DLGAP1: variants seen among roughly 807,000 people sequenced by gnomAD.
The protein encoded by DLGAP1 is DLG associated protein 1.
A neutral mutation model predicts 90.8 loss-of-function variants in DLGAP1; 11 were observed. The ratio of observed to expected loss-of-function variants is 0.12; its 90% CI spans 0.08 to 0.20. DLGAP1 has a LOEUF of 0.20. Among genes scored for constraint, DLGAP1 ranks in the 10% least tolerant of loss-of-function variants. The pLI is 1.00. For missense variants in DLGAP1, 1,050 were observed against 1,333.8 expected (o/e 0.79, Z 3.31); for synonymous variants, 558 against 540.7 (o/e 1.03, Z -0.44).
At chr18:3,596,693 G>C in intron 7 of DLGAP1, 4 of 406,296 alleles carry the variant, frequency 9.8e-6, no homozygotes, top group South Asian at 7.0e-5. Flanking sequence ...TGTGATAAAT[G>C]CTTGTTACAT....
chr18:4,257,576 T>C (rs1419625534), intron 1 of DLGAP1, among the ~76,000 whole-genome samples: 1 of 152,166 alleles, frequency 6.6e-6, no homozygotes. Flanking sequence ...TAAACTCTGG[T>C]TGAAGACCTA....
At chr18:3,692,274 G>T (rs2060923468) in intron 7 of DLGAP1, among the ~76,000 whole-genome samples, 1 of 138,348 alleles carries the variant, frequency 7.2e-6, no homozygotes, top group Non-Finnish European at 1.6e-5. Context: ...GTATTTTTTG[G>T]AGTGTTTTTT....
At position 4,306,081 on chromosome 18, in the gene DLGAP1, G is replaced by A. The variant is rs199513792; in HGVS notation, c.-267+148925C>T. ...ACACACACACGGGGGAGAGGGGGGC[G>A]GAGAGAGAGAGAGAGAGAGAGGGAG... On this transcript the variant is annotated intron_variant, in intron 1 of 12. Coordinates refer to ENST00000315677, the MANE Select transcript of DLGAP1 (RefSeq NM_004746.4). Among the ~76,000 whole-genome samples, 45 of 143,802 alleles carry A rather than the reference G, an allele frequency of 3.1e-4. No homozygotes were observed. The East Asian group carries it at 6.4e-3, about 21-fold the overall frequency. 94.3% of individuals were successfully genotyped at this position (143,802 alleles called of 152,430 possible). A position where few individuals can be genotyped will look rare whatever the true frequency, so the allele number is the denominator to read the frequency against.
chr18:3,554,442 C>T (rs1021188589), intron 9 of DLGAP1, among the ~76,000 whole-genome samples: 2 of 152,210 alleles, frequency 1.3e-5, no homozygotes, highest in Non-Finnish European at 2.9e-5. Context: ...GAGCAGTCTC[C>T]TTTCAAAACG....
intron 2 of DLGAP1, among the ~76,000 whole-genome samples, chr18:4,007,296 T>C (rs552284029): frequency 6.6e-6 from 1 of 152,206 alleles, no homozygotes; most frequent in Non-Finnish European, 1.5e-5. Flanking sequence ...TGAGTGACCC[T>C]TAAGGGAGCA....
intron 7 of DLGAP1, among the ~76,000 whole-genome samples, chr18:3,601,071 T>TAG (rs1378832094): frequency 6.7e-5 from 10 of 148,510 alleles, no homozygotes; most frequent in African/African-American, 2.5e-4. Context: ...GATATATAGA[T>TAG]ATATAGATAG....
intron 1 of DLGAP1, among the ~76,000 whole-genome samples, chr18:4,411,308 C>T (rs1398973092): frequency 3.9e-5 from 6 of 152,136 alleles, no homozygotes; most frequent in Admixed American, 3.9e-4. Context: ...ACTGATAGCC[C>T]CTGGGATGAG....
At chr18:4,225,880 G>A (rs1007833910) in intron 1 of DLGAP1, among the ~76,000 whole-genome samples, 1 of 151,886 alleles carries the variant, frequency 6.6e-6, no homozygotes, top group Non-Finnish European at 1.5e-5. Flanking sequence ...GAGGTAGAAG[G>A]TTCAAAGGGA....
intron 1 of DLGAP1, among the ~76,000 whole-genome samples, chr18:4,155,156 G>T (rs552841269): frequency 2.0e-5 from 3 of 152,182 alleles, no homozygotes; most frequent in South Asian, 4.2e-4. Flanking sequence ...CAGGCAGAGG[G>T]ACTGCAGGGT....
chr18:3,664,980 G>T (rs2059825767), intron 7 of DLGAP1, among the ~76,000 whole-genome samples: 1 of 152,140 alleles, frequency 6.6e-6, no homozygotes, highest in Admixed American at 6.5e-5. Context: ...TGAGGCCACT[G>T]GTCCTACTAT....
intron 1 of DLGAP1, among the ~76,000 whole-genome samples, chr18:4,412,838 C>A (rs1034923545): frequency 6.6e-6 from 1 of 152,234 alleles, no homozygotes. Context: ...CAGGTCCCCA[C>A]ACTCTGTCCT....
intron 9 of DLGAP1, among the ~76,000 whole-genome samples, chr18:3,553,777 C>T (rs951895720): frequency 3.3e-5 from 5 of 152,122 alleles, no homozygotes; most frequent in Non-Finnish European, 5.9e-5. Context: ...AGGTGATCCA[C>T]CCACCTCGGT....
At chr18:3,723,562 G>A (rs1267220753) in intron 7 of DLGAP1, among the ~76,000 whole-genome samples, 2 of 151,428 alleles carry the variant, frequency 1.3e-5, no homozygotes, top group South Asian at 2.1e-4. Context: ...TAGGGTTTGT[G>A]TGGGGGGGGA....
intron 3 of DLGAP1, among the ~76,000 whole-genome samples, chr18:3,965,915 TG>T (rs1405421751): frequency 7.8e-6 from 1 of 128,840 alleles, no homozygotes; most frequent in African/African-American, 3.0e-5. Flanking sequence ...ACCACTGCAC[TG>T]GGCGACCGGG....
chr18:3,697,368 C>A (rs980790656), intron 7 of DLGAP1, among the ~76,000 whole-genome samples: 1 of 152,066 alleles, frequency 6.6e-6, no homozygotes, highest in African/African-American at 2.4e-5. Flanking sequence ...TAGCTGTGTC[C>A]CAGAGATTCT....
chr18:3,595,287 T>A (rs2056515766), intron 7 of DLGAP1, among the ~76,000 whole-genome samples: 1 of 152,092 alleles, frequency 6.6e-6, no homozygotes, highest in Non-Finnish European at 1.5e-5. Context: ...ATTAACTAAG[T>A]TAGCGGAAAT....
chr18:4,143,146 C>T (rs566251532), intron 2 of DLGAP1, among the ~76,000 whole-genome samples: 9 of 152,130 alleles, frequency 5.9e-5, no homozygotes, highest in African/African-American at 2.2e-4. Flanking sequence ...GCTCAAGGCC[C>T]TAGGGCTCTA....
At position 4,383,717 on chromosome 18, in the gene DLGAP1, G is replaced by A. The variant is rs1199236875; in HGVS notation, c.-267+71289C>T. On this transcript the variant is annotated intron_variant, in intron 1 of 12. Coordinates refer to ENST00000315677, the MANE Select transcript of DLGAP1 (RefSeq NM_004746.4). The surrounding 1 kb of genome is among the most constrained non-coding windows in gnomAD (Gnocchi z 4.0). ...TTGATAACCCACATAATATGACCAT[G>A]TGACTGTTTTAAGTAACCAAATGGA... Among the ~76,000 whole-genome samples, 1 of 152,112 alleles carries A rather than the reference G, an allele frequency of 6.6e-6. No homozygotes were observed.
intron 2 of DLGAP1, among the ~76,000 whole-genome samples, chr18:4,056,964 C>CT (rs1386069128): frequency 1.3e-5 from 2 of 149,476 alleles, no homozygotes; most frequent in Non-Finnish European, 3.0e-5. Context: ...TAGGAGCTTT[C>CT]TTTTTTTCTC....
Sources: gnomAD v4.1 joint callset for allele counts (sites outside exome capture counted in the v4.1 genomes callset) on GRCh38, gnomAD v4.1.1 for gene constraint, Gnocchi (gnomAD v3.1) non-coding constraint, MANE v1.5 for transcripts, NCBI Gene and HGNC (gene_info 2026-07-23, HGNC 2026-07-21) for gene names.